Variants in MACROD2 observed in about 807,000 individuals in gnomAD.
The protein encoded by MACROD2 is ADP-ribose glycohydrolase MACROD2.
MACROD2 carries 36 observed loss-of-function variants against 70.4 expected under a neutral mutation model. That is an observed-to-expected ratio of 0.51 (90% CI 0.39 to 0.68). The LOEUF (loss-of-function observed/expected upper bound fraction) is 0.68, where lower values mean the gene tolerates loss of function less well. Among genes scored for constraint, MACROD2 ranks in the 30% least tolerant of loss-of-function variants. The pLI is 0.00. For missense variants in MACROD2, 496 were observed against 538.4 expected, an observed-to-expected ratio of 0.92 and a Z score of 0.78; for synonymous variants, 172 against 178.8, an observed-to-expected ratio of 0.96 and a Z score of 0.30.
intron 5 of MACROD2, among the ~76,000 whole-genome samples, chr20:15,026,451 C>G (rs957075805): frequency 8.6e-5 from 13 of 151,484 alleles, no homozygotes; most frequent in African/African-American, 1.5e-4. Flanking sequence ...AATTGGGACT[C>G]AGGGTTTTAC....
intron 7 of MACROD2, among the ~76,000 whole-genome samples, chr20:15,458,378 A>G (rs895887101): frequency 2.6e-5 from 4 of 152,136 alleles, no homozygotes; most frequent in Non-Finnish European, 5.9e-5. Context: ...CGATATTTGG[A>G]TTCCCCAGGG....
At chr20:15,862,679 G>T in intron 8 of MACROD2, 66 bp from the exon 9 acceptor site, 1 of 1,310,116 alleles carries the variant, frequency 7.6e-7, no homozygotes, top group South Asian at 1.2e-5. Context: ...TTGTTCTACG[G>T]CTATGTCCTG....
chr20:15,967,686 A>T, intron 13 of MACROD2, 56 bp downstream of exon 13: 2 of 1,332,082 alleles, frequency 1.5e-6, no homozygotes, highest in Non-Finnish European at 2.0e-6. Flanking sequence ...AAACAGAAAA[A>T]AAAAAAAAAA....
At chr20:15,127,643 T>C (rs2076076604) in intron 5 of MACROD2, among the ~76,000 whole-genome samples, 1 of 152,078 alleles carries the variant, frequency 6.6e-6, no homozygotes. Context: ...GTGAGGCTGC[T>C]CACCACTTGG....
intron 5 of MACROD2, among the ~76,000 whole-genome samples, chr20:14,830,023 G>C (rs1271261279): frequency 6.6e-6 from 1 of 152,024 alleles, no homozygotes; most frequent in African/African-American, 2.4e-5. Context: ...GAATCTCAAA[G>C]AGCTGTGGCT....
chr20:14,649,928 G>A (rs1985594216), intron 4 of MACROD2, among the ~76,000 whole-genome samples: 1 of 152,144 alleles, frequency 6.6e-6, no homozygotes, highest in Non-Finnish European at 1.5e-5. Context: ...TCCAGGTGGA[G>A]TATGCATAGA....
intron 5 of MACROD2, among the ~76,000 whole-genome samples, chr20:14,802,425 T>G (rs890764348): frequency 2.0e-5 from 3 of 152,056 alleles, no homozygotes; most frequent in African/African-American, 7.2e-5. Flanking sequence ...TCCCTTCTGC[T>G]ATATAGTTTC....
chr20:14,562,581 A>G (rs999145546), intron 4 of MACROD2, among the ~76,000 whole-genome samples: 1 of 151,922 alleles, frequency 6.6e-6, no homozygotes, highest in Non-Finnish European at 1.5e-5. Context: ...TGAGGCCTAT[A>G]TGCTCCAACC....
At chr20:14,663,600 C>T (rs1047669225) in intron 4 of MACROD2, among the ~76,000 whole-genome samples, 3 of 150,534 alleles carry the variant, frequency 2.0e-5, no homozygotes, top group Admixed American at 6.7e-5. Flanking sequence ...ATATAATGGT[C>T]ATATATATAT....
intron 5 of MACROD2, among the ~76,000 whole-genome samples, chr20:15,067,859 T>C (rs767332087): frequency 1.9e-4 from 29 of 152,284 alleles, no homozygotes; most frequent in Admixed American, 8.5e-4. Flanking sequence ...TTTTACCTAA[T>C]GAGAATGTGG....
rs537165798 is a variant in MACROD2 at position 14,619,798 on chromosome 20, C to T, written c.302-65045C>T. Among the ~76,000 whole-genome samples the T allele has an allele frequency of 3.0e-4, 45 of 152,146 alleles. 1 individual carries two copies. Among genetic ancestry groups the T allele is most frequent in the African/African-American group, 9.9e-4 (41 of 41,516 alleles). On this transcript the variant is annotated intron_variant, in intron 4 of 17. Coordinates refer to ENST00000684519, the MANE Select transcript of MACROD2 (RefSeq NM_001351661.2). ...ATAACAAACAACTGCAGAATCTCAG[C>T]GCTTAAATCAACAACAAAAGGTTAT... is the stretch of plus-strand genomic sequence containing the variant.
At chr20:15,520,082 C>CATAGAAAAATGAAAACTTATA (rs1421214281) in intron 8 of MACROD2, among the ~76,000 whole-genome samples, 6 of 152,126 alleles carry the variant, frequency 3.9e-5, no homozygotes, top group Non-Finnish European at 7.4e-5. Context: ...GAAAACTTAT[C>CATAGAAAAATGAAAACTTATA]ATAGAAAAAT....
chr20:15,004,914 C>G (rs1457273271), intron 5 of MACROD2, among the ~76,000 whole-genome samples: 1 of 152,130 alleles, frequency 6.6e-6, no homozygotes, highest in Non-Finnish European at 1.5e-5. Flanking sequence ...CCATATACTT[C>G]CAAATATTCC....
intron 5 of MACROD2, among the ~76,000 whole-genome samples, chr20:15,025,826 C>T (rs961080277): frequency 3.9e-5 from 6 of 152,096 alleles, no homozygotes; most frequent in Non-Finnish European, 2.9e-5. Flanking sequence ...GTCAAATGTC[C>T]TCCTGGGGTA....
intron 5 of MACROD2, among the ~76,000 whole-genome samples, chr20:14,994,043 A>T (rs1275179736): frequency 1.3e-5 from 2 of 152,160 alleles, no homozygotes; most frequent in South Asian, 2.1e-4. Flanking sequence ...GCTCCCCTAT[A>T]GGTTGGAGAA....
chr20:14,155,196 C>A (rs1023907556), intron 3 of MACROD2, among the ~76,000 whole-genome samples: 1 of 152,006 alleles, frequency 6.6e-6, no homozygotes, highest in East Asian at 1.9e-4. Context: ...TTTATGTAGA[C>A]CTTTATTTGA....
At chr20:14,048,464 A>C (rs1309907388) in intron 2 of MACROD2, among the ~76,000 whole-genome samples, 1 of 152,168 alleles carries the variant, frequency 6.6e-6, no homozygotes, top group Non-Finnish European at 1.5e-5. Context: ...TCAAGCTTTA[A>C]GACCAGAAGG....
At chr20:14,598,347 T>C (rs867347119) in intron 4 of MACROD2, among the ~76,000 whole-genome samples, 2 of 152,302 alleles carry the variant, frequency 1.3e-5, no homozygotes, top group African/African-American at 4.8e-5. Flanking sequence ...GAAGTATTTA[T>C]CTATCTTTCA....
At chr20:14,706,976 C>A (rs2123652537) in intron 5 of MACROD2, among the ~76,000 whole-genome samples, 1 of 152,264 alleles carries the variant, frequency 6.6e-6, no homozygotes, top group East Asian at 1.9e-4. Context: ...AAATTTAGAT[C>A]CAAGGCAGTA....
Sources: allele counts gnomAD v4.1 joint callset (sites outside exome capture counted in the v4.1 genomes callset), GRCh38; gene constraint gnomAD v4.1.1; transcripts MANE v1.5; gene names NCBI Gene and HGNC (gene_info 2026-07-23, HGNC 2026-07-21).